CSMD1: variants seen among roughly 807,000 people sequenced by gnomAD.
The protein encoded by CSMD1 is CUB and sushi domain-containing protein 1.
Under a neutral mutation model 417.5 loss-of-function variants are expected in CSMD1, and 213 were observed. That is an observed-to-expected ratio of 0.51 (90% CI 0.46 to 0.57). The LOEUF is 0.57. CSMD1 is among the 20% of genes least tolerant of loss of function. The pLI is 0.00. For synonymous variants in CSMD1, 2,862 were observed against 1,736.8 expected, an observed-to-expected ratio of 1.65 and a Z score of -16.11; for missense variants, 6,923 against 4,529.7, an observed-to-expected ratio of 1.53 and a Z score of -15.17.
intron 6 of CSMD1, among the ~76,000 whole-genome samples, chr8:3,738,146 C>T (rs2720825): frequency 0.93 from 141,214 of 152,232 alleles, 66,404 homozygotes; most frequent in Non-Finnish European, 1. Flanking sequence ...ATTTAGTAGA[C>T]ATGTGTAATA....
At chr8:4,819,121 G>T (rs1247142673) in intron 1 of CSMD1, among the ~76,000 whole-genome samples, 1 of 152,174 alleles carries the variant, frequency 6.6e-6, no homozygotes, top group Non-Finnish European at 1.5e-5. Context: ...AAAAGCAACA[G>T]CAGCAGGCAG....
intron 10 of CSMD1, among the ~76,000 whole-genome samples, chr8:3,506,692 G>A (rs976690113): frequency 6.6e-6 from 1 of 152,122 alleles, no homozygotes; most frequent in African/African-American, 2.4e-5. Flanking sequence ...CGAATTTGGG[G>A]TGTCATGAAG....
chr8:4,473,502 C>G (rs1399963443), intron 2 of CSMD1, among the ~76,000 whole-genome samples: 1 of 152,194 alleles, frequency 6.6e-6, no homozygotes, highest in East Asian at 1.9e-4. Context: ...AGAACCCCCA[C>G]TCCCCTCTTG....
At chr8:4,919,162 A>C (rs1219440178) in intron 1 of CSMD1, among the ~76,000 whole-genome samples, 1 of 151,082 alleles carries the variant, frequency 6.6e-6, no homozygotes, top group Non-Finnish European at 1.5e-5. Flanking sequence ...AAAATCACTA[A>C]AGTAAAATTA....
intron 3 of CSMD1, among the ~76,000 whole-genome samples, chr8:4,050,046 A>AT (rs549088203): frequency 2.5e-4 from 38 of 152,286 alleles, no homozygotes; most frequent in African/African-American, 9.1e-4. Flanking sequence ...ATTCTGTGGA[A>AT]TGTCCCTCCT....
Position 4,799,026 on chromosome 8 carries a change from T to G in CSMD1, c.86-161468A>C, listed in dbSNP as rs144857240. ...CTCCATCCTCTGATATCCAGGGGGG[T>G]TTCCAGCAGGAGCGTGGGCTGGTGA... On this transcript the variant is annotated intron_variant, in intron 1 of 69. Transcript: ENST00000635120. 3.4e-4 allele frequency among the ~76,000 whole-genome samples: 51 copies of G among 152,162 alleles called. 1 individual carries two copies. The highest frequency in any genetic ancestry group is 1.2e-3 in the African/African-American group (51 of 41,526).
At chr8:3,270,082 C>A (rs1439150178) in intron 26 of CSMD1, among the ~76,000 whole-genome samples, 1 of 129,196 alleles carries the variant, frequency 7.7e-6, no homozygotes. Flanking sequence ...TGGAGTCTTG[C>A]TCTGTTGCCC....
intron 2 of CSMD1, among the ~76,000 whole-genome samples, chr8:4,632,491 G>A (rs1180184945): frequency 2.0e-5 from 3 of 152,160 alleles, no homozygotes; most frequent in Non-Finnish European, 4.4e-5. Flanking sequence ...CAGCCTGGGT[G>A]ACAAGAGCAA....
rs573789504 is a variant in CSMD1 at position 3,515,084 on chromosome 8, G to A, written c.1345-21358C>T. 1.6e-4 allele frequency among the ~76,000 whole-genome samples: 25 copies of A among 152,172 alleles called. No homozygotes were observed. The South Asian group carries it at 5.2e-3, about 32-fold the overall frequency. On this transcript the variant is annotated intron_variant, in intron 10 of 69. Transcript: ENST00000635120. The stretch of plus-strand genomic sequence containing the variant: ...TTTTCAAAATAATAATACAGTTAAT[G>A]AACATTTTACACATTTAAAAAATCA...
chr8:3,752,446 G>A (rs1797389752), intron 6 of CSMD1, among the ~76,000 whole-genome samples: 1 of 152,026 alleles, frequency 6.6e-6, no homozygotes, highest in Admixed American at 6.6e-5. Flanking sequence ...TCTGAGGTCA[G>A]GAGTTCAAGA....
intron 38 of CSMD1, among the ~76,000 whole-genome samples, chr8:3,161,629 A>G (rs1819899793): frequency 6.6e-6 from 1 of 151,628 alleles, no homozygotes; most frequent in Admixed American, 6.6e-5. Context: ...TCTCAGAAAA[A>G]AAAAAAAAAA....
chr8:4,934,728 A>G (rs1337582830), intron 1 of CSMD1, among the ~76,000 whole-genome samples: 1 of 152,210 alleles, frequency 6.6e-6, no homozygotes, highest in African/African-American at 2.4e-5. Flanking sequence ...ATCCATCTAT[A>G]TATCTATAAA....
chr8:4,562,253 C>T (rs549027264), intron 2 of CSMD1, among the ~76,000 whole-genome samples: 75 of 152,226 alleles, frequency 4.9e-4, no homozygotes, highest in African/African-American at 1.6e-3. Context: ...ACGGGAAATA[C>T]ACAGGCATCA....
chr8:3,428,551 T>C (rs1380378257), intron 12 of CSMD1, among the ~76,000 whole-genome samples: 1 of 152,164 alleles, frequency 6.6e-6, no homozygotes, highest in South Asian at 2.1e-4. Context: ...AGACTGACCA[T>C]ACCAAATGTC....
intron 22 of CSMD1, among the ~76,000 whole-genome samples, chr8:3,345,806 T>G (rs76529912): frequency 0.024 from 3,665 of 152,304 alleles, 77 homozygotes; most frequent in East Asian, 0.082. Context: ...CATGACAACA[T>G]TGAAAGTTCT....
At chr8:3,122,764 T>C (rs1454837172) in intron 41 of CSMD1, among the ~76,000 whole-genome samples, 3 of 152,208 alleles carry the variant, frequency 2.0e-5, no homozygotes, top group Non-Finnish European at 4.4e-5. Flanking sequence ...ACCCCAGCCA[T>C]GTGGAACTGT....
chr8:3,188,838 A>G (rs1796245232), intron 35 of CSMD1, 49 bp downstream of exon 35: 1 of 1,424,250 alleles, frequency 7.0e-7, no homozygotes, highest in Non-Finnish European at 9.3e-7. Flanking sequence ...AAAGAAGCCC[A>G]TGGACCCCAG....
rs114184094 is a variant in CSMD1 at position 4,081,347 on chromosome 8, C to A, written c.416-49248G>T. 4.3e-3 allele frequency among the ~76,000 whole-genome samples: 650 copies of A among 152,232 alleles called. 2 individuals carry two copies. The highest frequency in any genetic ancestry group is 0.015 in the African/African-American group (631 of 41,560). On this transcript the variant is annotated intron_variant, in intron 3 of 69. Transcript: ENST00000635120. Reference sequence around the variant, plus strand: ...GAATAGGTTTGATAGGGTTAAACAACAGGGTATTGTGTGAATTACAAACTG... The same window carrying A: ...GAATAGGTTTGATAGGGTTAAACAAAAGGGTATTGTGTGAATTACAAACTG...
At chr8:3,720,890 C>T in intron 6 of CSMD1, among the ~76,000 whole-genome samples, 1 of 135,634 alleles carries the variant, frequency 7.4e-6, no homozygotes, top group African/African-American at 3.4e-5. Flanking sequence ...CGGCTCACTG[C>T]ATGCAACCTC....
Sources: gnomAD v4.1 joint callset for allele counts (sites outside exome capture counted in the v4.1 genomes callset) on GRCh38, gnomAD v4.1.1 for gene constraint, MANE v1.5 for transcripts, NCBI Gene and HGNC (gene_info 2026-07-23, HGNC 2026-07-21) for gene names.